TRAP1: variants seen among roughly 807,000 people sequenced by gnomAD.
TRAP1 encodes heat shock protein 75 kDa, mitochondrial.
Under a neutral mutation model 89.1 loss-of-function variants are expected in TRAP1, and 102 were observed. The observed-to-expected ratio is 1.15, with a 90% CI of 0.98 to 1.35. The LOEUF is 1.35. Ranked by LOEUF, TRAP1 falls within the 40% of genes most tolerant of loss-of-function variation. The pLI, the probability that TRAP1 is intolerant of heterozygous loss-of-function variation, is 0.00. For synonymous variants in TRAP1, 508 were observed against 388.0 expected (o/e 1.31, Z -3.64); for missense variants, 1,256 against 945.3 (o/e 1.33, Z -4.31).
chr16:3,662,655 C>T, intron 15 of TRAP1: 1 of 685,156 alleles, frequency 1.5e-6, no homozygotes, highest in South Asian at 1.5e-5. Flanking sequence ...GTTCTCAGTT[C>T]ACACCTGCTC....
At chr16:3,665,358 A>G (rs1425853379) in intron 12 of TRAP1, 1 of 152,628 alleles carries the variant, frequency 6.6e-6, no homozygotes, top group Non-Finnish European at 1.5e-5. Context: ...CAGCCACACC[A>G]CACTGTGAAT....
intron 1 of TRAP1, among the ~76,000 whole-genome samples, chr16:3,699,827 A>G (rs986287961): frequency 1.4e-5 from 2 of 148,068 alleles, no homozygotes; most frequent in Non-Finnish European, 3.0e-5. Context: ...ACCATCACAC[A>G]GGACTAAATT....
intron 15 of TRAP1, 72 bp from the exon 16 acceptor site, chr16:3,662,204 G>C: frequency 6.5e-7 from 1 of 1,549,504 alleles, no homozygotes; most frequent in Non-Finnish European, 8.7e-7. Flanking sequence ...TCTTACCAGG[G>C]GTGAAGGTCA....
In TRAP1 at chr16:3,662,877, C is replaced by T. The variant is rs773862195; in HGVS notation, c.1794+5G>A. ...AGTGGTGGTCCATCCCCGGGAAAGC[C>T]TCACCTTCACGTTGGTGACACGCGA... On this transcript the variant is annotated splice_donor_5th_base_variant and intron_variant, in intron 15 of 17. Coordinates refer to ENST00000246957, the MANE Select transcript of TRAP1 (RefSeq NM_016292.3). 6.8e-6 allele frequency: 11 copies of T among 1,613,538 alleles called. No individual in the cohort carries two copies. Among genetic ancestry groups the T allele is most frequent in the Non-Finnish European group, 9.3e-6 (11 of 1,179,894 alleles).
chr16:3,714,829 CTACAACCTGG>C (rs1032980514), intron 1 of TRAP1, among the ~76,000 whole-genome samples: 2 of 152,118 alleles, frequency 1.3e-5, no homozygotes, highest in African/African-American at 4.8e-5. Flanking sequence ...CAGGCACATG[CTACAACCTGG>C]AAATACTTTC....
chr16:3,658,827 C>T lies in TRAP1; in HGVS notation c.1979G>A (p.Ser660Asn), dbSNP rs141749443. The change falls in exon 17 of 18, where the codon AGC becomes AAC. Residue 660 changes from serine (S) to asparagine (N), a missense_variant. By Grantham distance (46) the Ser-to-Asn change is conservative. Coordinates refer to ENST00000246957, the MANE Select transcript of TRAP1 (RefSeq NM_016292.3). The stretch of plus-strand genomic sequence containing the variant: ...CAGCAGCTGAGCCAGGCCAGGCTCG[C>T]TTGCGCGCAGCTGATTCAGCTTCTT... The part of the protein sequence containing the change: ...LIKKLNQLRA[S>N]EPGLAQLLVD... The T allele has an allele frequency of 2.5e-6, 4 of 1,613,984 alleles. No homozygotes were observed. Among genetic ancestry groups the T allele is most frequent in the African/African-American group, 1.3e-5 (1 of 75,068 alleles).
At chr16:3,660,689 C>A (rs528799501) in intron 16 of TRAP1, 1 of 152,144 alleles carries the variant, frequency 6.6e-6, no homozygotes, top group Non-Finnish European at 1.5e-5. Context: ...GATGCATCTC[C>A]CTCGCCTCCA....
intron 13 of TRAP1, chr16:3,663,881 G>A (rs1477241285): frequency 8.1e-6 from 3 of 371,286 alleles, no homozygotes; most frequent in Admixed American, 4.2e-5. Context: ...AGACCAACAT[G>A]GTGAAATGCC....
intron 1 of TRAP1, among the ~76,000 whole-genome samples, chr16:3,704,843 C>T (rs2051418383): frequency 6.6e-6 from 1 of 151,916 alleles, no homozygotes; most frequent in South Asian, 2.1e-4. Context: ...GCAAGACCAA[C>T]CTCTTATTTT....
chr16:3,695,648 C>T (rs902747303), intron 1 of TRAP1, among the ~76,000 whole-genome samples: 10 of 152,040 alleles, frequency 6.6e-5, no homozygotes, highest in Non-Finnish European at 1.5e-4. Flanking sequence ...AGAGCTGTGA[C>T]GATGACATCA....
chr16:3,662,427 GC>G (rs1175188158), intron 15 of TRAP1: 9 of 555,276 alleles, frequency 1.6e-5, no homozygotes, highest in Admixed American at 3.1e-5. Context: ...CCTGCATGAG[GC>G]CCCTTCCTCC....
intron 3 of TRAP1, chr16:3,687,282 G>C (rs543260691): frequency 4.6e-5 from 7 of 152,340 alleles, no homozygotes; most frequent in Middle Eastern, 6.8e-3. Context: ...TGTCATCCAT[G>C]TAAGACGGGA....
intron 1 of TRAP1, among the ~76,000 whole-genome samples, chr16:3,710,662 G>C (rs1292858797): frequency 6.6e-6 from 1 of 152,084 alleles, no homozygotes. Context: ...ATACTGGCAA[G>C]TGTGAACTAA....
rs1341797523 is a variant in TRAP1, at chr16:3,674,354, G to C, written c.1029C>G (p.Phe343Leu). 2 of 1,613,934 alleles carry C rather than the reference G, an allele frequency of 1.2e-6. No homozygotes were observed. The highest frequency in any genetic ancestry group is 1.1e-5 in the South Asian group (1 of 91,094). Residue 343 changes from phenylalanine to leucine, a missense_variant, in exon 9 of 18, where the codon TTC (phenylalanine) becomes TTG (leucine). Phe to Leu is a conservative substitution (Grantham distance 22). Transcript: ENST00000246957. ...TDAPLNIRSI[F>L]YVPDMKPSMF... The stretch of plus-strand genomic sequence containing the variant: ...AGTGCCTCACCATGTCGGGCACGTA[G>C]AAGATGCTGCGGATGTTGAGCGGTG...
At chr16:3,698,503 C>T (rs962685594) in intron 1 of TRAP1, among the ~76,000 whole-genome samples, 2 of 151,962 alleles carry the variant, frequency 1.3e-5, no homozygotes, top group Middle Eastern at 3.4e-3. Flanking sequence ...GGGGTTTCAC[C>T]GTGTTAGCCA....
chr16:3,662,961 T>C lies in TRAP1; in HGVS notation c.1715A>G (p.Glu572Gly). 1 of 1,609,746 alleles carries C rather than the reference T, an allele frequency of 6.2e-7. No homozygotes were observed. ...CTCCGTCTCCTTCTCTGATAGGCAC[T>C]CGGCGGCTGCGGAAGAGCAGGCGAC... ...EKFEDRSPAA[E>G]CLSEKETEEL... The change falls in exon 15 of 18, where the codon GAG becomes GGG. Residue 572 changes from glutamate (E) to glycine (G), a missense_variant. Physicochemically the swap from Glu to Gly is moderately conservative, Grantham distance 98. Transcript: ENST00000246957.
intron 1 of TRAP1, among the ~76,000 whole-genome samples, chr16:3,694,328 G>A (rs1242995237): frequency 4.6e-5 from 7 of 151,386 alleles, no homozygotes; most frequent in Non-Finnish European, 1.0e-4. Flanking sequence ...TACCAGGGAT[G>A]AGGACGCGAA....
chr16:3,694,363 AG>A (rs1182367048), intron 1 of TRAP1, among the ~76,000 whole-genome samples: 4 of 149,670 alleles, frequency 2.7e-5, no homozygotes, highest in Non-Finnish European at 5.9e-5. Context: ...TTTTTTTTTG[AG>A]ACAGAGTCTC....
At chr16:3,709,667 T>A (rs1028037746) in intron 1 of TRAP1, among the ~76,000 whole-genome samples, 4 of 152,146 alleles carry the variant, frequency 2.6e-5, no homozygotes, top group Non-Finnish European at 5.9e-5. Context: ...TGTGTGTGTG[T>A]GAGACGGAGT....
Sources: allele counts gnomAD v4.1 joint callset (sites outside exome capture counted in the v4.1 genomes callset), GRCh38; gene constraint gnomAD v4.1.1; transcripts MANE v1.5; gene names NCBI Gene and HGNC (gene_info 2026-07-23, HGNC 2026-07-21).